PSD3: variants seen among roughly 807,000 people sequenced by gnomAD.
The protein encoded by PSD3 is pleckstrin and Sec7 domain containing 3.
Under a neutral mutation model 105.5 loss-of-function variants are expected in PSD3, and 49 were observed. The observed-to-expected ratio is 0.46, with a 90% confidence interval of 0.37 to 0.59. PSD3 has a LOEUF of 0.59. Among genes scored for constraint, PSD3 ranks in the 20% least tolerant of loss-of-function variants. The pLI is 0.00. For missense variants in PSD3, 1,561 were observed against 1,263.8 expected (o/e 1.24, Z -3.57); for synonymous variants, 557 against 457.8 (o/e 1.22, Z -2.77).
chr8:18,606,799 T>G (rs1239884972), intron 11 of PSD3, among the ~76,000 whole-genome samples: 2 of 152,184 alleles, frequency 1.3e-5, no homozygotes, highest in Non-Finnish European at 2.9e-5. Flanking sequence ...GCATTAACAT[T>G]AACTAAGCAC....
chr8:19,050,888 G>A (rs560474302), intron 1 of PSD3, among the ~76,000 whole-genome samples: 1 of 152,248 alleles, frequency 6.6e-6, no homozygotes, highest in East Asian at 1.9e-4. Context: ...AAAACCTCCC[G>A]TGAGCCAGGA....
intron 11 of PSD3, among the ~76,000 whole-genome samples, chr8:18,604,035 G>C (rs1804633959): frequency 6.6e-6 from 1 of 152,136 alleles, no homozygotes; most frequent in South Asian, 2.1e-4. Flanking sequence ...ACTGTCAAGT[G>C]GGGCATTGCT....
chr8:18,707,654 T>G (rs1362781845), intron 9 of PSD3, among the ~76,000 whole-genome samples: 1 of 152,174 alleles, frequency 6.6e-6, no homozygotes, highest in East Asian at 1.9e-4. Context: ...AGGTCAGAAG[T>G]GGTACGGCTG....
chr8:18,588,856 T>C (rs1014923183), intron 12 of PSD3, among the ~76,000 whole-genome samples: 2 of 152,188 alleles, frequency 1.3e-5, no homozygotes, highest in Admixed American at 6.6e-5. Context: ...ACAGCATCTT[T>C]CTTGGCATCA....
At chr8:18,613,398 T>G (rs1432459313) in intron 11 of PSD3, among the ~76,000 whole-genome samples, 1 of 152,188 alleles carries the variant, frequency 6.6e-6, no homozygotes, top group Admixed American at 6.5e-5. Flanking sequence ...ATTTAATCCC[T>G]GAGATGGAGA....
intron 8 of PSD3, among the ~76,000 whole-genome samples, chr8:18,772,263 T>C (rs1418025141): frequency 6.6e-6 from 1 of 152,212 alleles, no homozygotes; most frequent in African/African-American, 2.4e-5. Flanking sequence ...GAGATTGGTG[T>C]ATCACATGAT....
intron 1 of PSD3, among the ~76,000 whole-genome samples, chr8:19,023,525 G>T (rs1382225348): frequency 6.6e-6 from 1 of 151,882 alleles, no homozygotes; most frequent in African/African-American, 2.4e-5. Flanking sequence ...ACCTCCTGTG[G>T]ACTCAAGCAA....
At chr8:18,565,195 G>C (rs10103445) in intron 14 of PSD3, among the ~76,000 whole-genome samples, 142,026 of 152,216 alleles carry the variant, frequency 0.93, 66,402 homozygotes, top group Non-Finnish European at 0.97. Context: ...TGCAAGTCCC[G>C]ACATAGCTGT....
At chr8:18,905,909 A>G (rs965244462) in intron 2 of PSD3, among the ~76,000 whole-genome samples, 8 of 152,328 alleles carry the variant, frequency 5.3e-5, no homozygotes, top group South Asian at 2.1e-4. Flanking sequence ...TTCAAGATGA[A>G]AAAAGAAACA....
chr8:18,737,681 AT>A (rs1269949457), intron 9 of PSD3, among the ~76,000 whole-genome samples: 2 of 152,306 alleles, frequency 1.3e-5, no homozygotes, highest in East Asian at 3.9e-4. Flanking sequence ...TCTTGCAAAT[AT>A]CAGTTTCGGA....
chr8:18,589,336 A>T (rs1339303639), intron 12 of PSD3, among the ~76,000 whole-genome samples: 3 of 152,182 alleles, frequency 2.0e-5, no homozygotes, highest in African/African-American at 7.2e-5. Context: ...CCTCAAAGTA[A>T]TGTGAGAATT....
intron 11 of PSD3, among the ~76,000 whole-genome samples, chr8:18,605,179 A>G (rs991503224): frequency 6.6e-6 from 1 of 152,186 alleles, no homozygotes; most frequent in African/African-American, 2.4e-5. Flanking sequence ...AAGGCAGTCA[A>G]TGCCATCCCA....
intron 15 of PSD3, among the ~76,000 whole-genome samples, chr8:18,537,297 A>T (rs1475947878): frequency 6.6e-6 from 1 of 152,250 alleles, no homozygotes; most frequent in South Asian, 2.1e-4. Context: ...TCAAAGTCAA[A>T]GTAAGGAAGA....
intron 11 of PSD3, among the ~76,000 whole-genome samples, chr8:18,609,648 G>C (rs1012528067): frequency 3.9e-5 from 6 of 152,212 alleles, no homozygotes; most frequent in Non-Finnish European, 5.9e-5. Context: ...GAGTTCTGAA[G>C]TTCTAATCAA....
chr8:19,013,623 G>A lies in PSD3; in HGVS notation c.-40C>T, dbSNP rs1246851757. On this transcript the variant is annotated 5_prime_UTR_variant, in exon 1 of 16. Coordinates refer to ENST00000327040, the MANE Select transcript of PSD3 (RefSeq NM_015310.4). ...CCGGCCGCGCGCCGAAACCGCCGCC[G>A]GGCGCTCCGGGGCCGCAGCCTCAGG... 3.0e-6 allele frequency: 4 copies of A among 1,345,506 alleles called. No homozygotes were observed. Among genetic ancestry groups the A allele is most frequent in the Admixed American group, 7.7e-5 (2 of 25,822 alleles). 83.3% of individuals were successfully genotyped at this position (1,345,506 alleles called of 1,614,324 possible). A position where few individuals can be genotyped will look rare whatever the true frequency, so the allele number is the denominator to read the frequency against.
At chr8:18,754,841 A>G (rs891792065) in intron 9 of PSD3, among the ~76,000 whole-genome samples, 1 of 152,152 alleles carries the variant, frequency 6.6e-6, no homozygotes, top group African/African-American at 2.4e-5. Flanking sequence ...TATTTTGACT[A>G]TATAATTATA....
At chr8:18,839,738 T>A (rs1200169731) in intron 4 of PSD3, among the ~76,000 whole-genome samples, 1 of 151,876 alleles carries the variant, frequency 6.6e-6, no homozygotes, top group African/African-American at 2.4e-5. Flanking sequence ...AAGATCAGAG[T>A]TCTCCTCCAA....
intron 9 of PSD3, among the ~76,000 whole-genome samples, chr8:18,764,885 T>A (rs1278063758): frequency 6.6e-6 from 1 of 152,218 alleles, no homozygotes; most frequent in East Asian, 1.9e-4. Context: ...TGCTGGAGAA[T>A]GCATGAATTC....
intron 9 of PSD3, among the ~76,000 whole-genome samples, chr8:18,659,777 T>C (rs964672891): frequency 6.6e-6 from 1 of 152,162 alleles, no homozygotes; most frequent in African/African-American, 2.4e-5. Flanking sequence ...ATACTCTTAG[T>C]CCATTTAGGA....
Sources: gnomAD v4.1 joint callset for allele counts (sites outside exome capture counted in the v4.1 genomes callset) on GRCh38, gnomAD v4.1.1 for gene constraint, MANE v1.5 for transcripts, NCBI Gene and HGNC (gene_info 2026-07-23, HGNC 2026-07-21) for gene names.